Variants in SCN1A observed in about 807,000 individuals in gnomAD.
SCN1A encodes sodium voltage-gated channel alpha subunit 1, also known as sodium channel protein type 1 subunit alpha.
Under a neutral mutation model 193.7 loss-of-function variants are expected in SCN1A, and 13 were observed. The observed-to-expected ratio is 0.07, with a 90% CI of 0.04 to 0.11. The LOEUF is 0.11. SCN1A is among the 10% of genes least tolerant of loss of function. The pLI, the probability that SCN1A is intolerant of heterozygous loss-of-function variation, is 1.00. For synonymous variants in SCN1A, 781 were observed against 843.6 expected (o/e 0.93, Z 1.29); for missense variants, 1,432 against 2,451.1 (o/e 0.58, Z 8.78).
Position 166,043,300 on chromosome 2 carries a change from G to A in SCN1A, c.2043+369C>T, listed in dbSNP as rs558833438. Among the ~76,000 whole-genome samples the A allele has an allele frequency of 3.3e-5, 5 of 152,238 alleles. No homozygotes were observed. In the East Asian group the frequency reaches 7.7e-4, roughly 23 times the overall value. On this transcript the variant is annotated intron_variant, in intron 14 of 28. Transcript: ENST00000674923. The stretch of plus-strand genomic sequence containing the variant: ...AGCAGAGATCTTGAAGAATCCATTG[G>A]AAAGATTTATTACATACCCTTGACA...
chr2:166,004,476 A>G (rs1369213671), intron 23 of SCN1A, among the ~76,000 whole-genome samples: 1 of 151,330 alleles, frequency 6.6e-6, no homozygotes, highest in African/African-American at 2.4e-5. Context: ...CCATTCTCAC[A>G]GTCACCACCT....
intron 16 of SCN1A, 58 bp downstream of exon 16, chr2:166,041,173 A>G: frequency 2.4e-6 from 3 of 1,232,866 alleles, no homozygotes; most frequent in East Asian, 2.3e-5. Context: ...TTAAATGTAA[A>G]CAGTTTTTCA....
chr2:166,137,327 C>G (rs1483200507), intron 1 of SCN1A, among the ~76,000 whole-genome samples: 1 of 152,132 alleles, frequency 6.6e-6, no homozygotes, highest in East Asian at 1.9e-4. Context: ...ACCCTTAATA[C>G]AGTGCCTAGT....
chr2:166,111,627 G>C (rs1265487280), intron 2 of SCN1A, among the ~76,000 whole-genome samples: 1 of 152,006 alleles, frequency 6.6e-6, no homozygotes, highest in African/African-American at 2.4e-5. Flanking sequence ...CATTTTATAA[G>C]ACTATAGCTG....
intron 9 of SCN1A, among the ~76,000 whole-genome samples, chr2:166,049,794 A>G (rs1698321190): frequency 6.6e-6 from 1 of 151,974 alleles, no homozygotes; most frequent in African/African-American, 2.4e-5. Context: ...TTATTTATTT[A>G]CAAATATTCC....
chr2:166,035,755 C>T (rs980816774), intron 19 of SCN1A, among the ~76,000 whole-genome samples: 8 of 152,234 alleles, frequency 5.3e-5, no homozygotes, highest in Admixed American at 1.3e-4. Context: ...GTACACTGTA[C>T]GGTAAATATT....
At chr2:166,090,091 G>C (rs1177591097) in intron 2 of SCN1A, among the ~76,000 whole-genome samples, 1 of 133,276 alleles carries the variant, frequency 7.5e-6, no homozygotes, top group African/African-American at 2.8e-5. Context: ...ACAGGCTGGA[G>C]TGCAGTGATG....
rs755713188 is a variant in SCN1A at position 166,036,064 on chromosome 2, A to T, written c.3413T>A (p.Leu1138Gln). 3 of 1,613,846 alleles carry T rather than the reference A, an allele frequency of 1.9e-6. No homozygotes were observed. The highest frequency in any genetic ancestry group is 2.5e-6 in the Non-Finnish European group (3 of 1,179,898). Reference protein sequence around the residue: ...NTEDFSSESDLEESKEKLNES... With the variant: ...NTEDFSSESDQEESKEKLNES... ...GAATCTTACCTCTTTGCTTTCTTCC[A>T]GATCCGATTCACTACTAAAGTCTTC... The change falls in exon 19 of 29, where the codon CTG (leucine) becomes CAG (glutamine). Residue 1138 changes from leucine to glutamine, a missense_variant. Transcript: ENST00000674923.
intron 4 of SCN1A, 27 bp from the exon 5 acceptor site, chr2:166,058,715 G>A: frequency 8.1e-7 from 1 of 1,242,030 alleles, no homozygotes; most frequent in Non-Finnish European, 1.2e-6. Flanking sequence ...CAACATAGAA[G>A]TATGAAAGTA....
At chr2:166,103,119 G>T (rs1208210750) in intron 2 of SCN1A, among the ~76,000 whole-genome samples, 9 of 151,968 alleles carry the variant, frequency 5.9e-5, no homozygotes, top group Non-Finnish European at 1.3e-4. Context: ...CAGACAGTCT[G>T]TTAGGCCAGA....
chr2:166,082,545 A>T (rs1685646215), intron 2 of SCN1A, among the ~76,000 whole-genome samples: 1 of 152,042 alleles, frequency 6.6e-6, no homozygotes, highest in Non-Finnish European at 1.5e-5. Flanking sequence ...AGACTTCAAA[A>T]TTTTGAAAAA....
At chr2:166,007,462 A>G (rs988942724) in intron 23 of SCN1A, among the ~76,000 whole-genome samples, 1 of 151,364 alleles carries the variant, frequency 6.6e-6, no homozygotes, top group African/African-American at 2.4e-5. Flanking sequence ...GGAAATTAAA[A>G]ATACAAATTT....
intron 4 of SCN1A, chr2:166,059,399 A>G (rs1438460086): frequency 6.6e-6 from 1 of 152,160 alleles, no homozygotes; most frequent in African/African-American, 2.4e-5. Flanking sequence ...CTTTCTTATC[A>G]CAGAGGAGAA....
At chr2:166,093,541 C>T (rs1687053885) in intron 2 of SCN1A, among the ~76,000 whole-genome samples, 1 of 152,140 alleles carries the variant, frequency 6.6e-6, no homozygotes, top group African/African-American at 2.4e-5. Flanking sequence ...GATGGGGTTT[C>T]ACCGTGTTAG....
At chr2:166,006,648 A>G (rs1039782877) in intron 23 of SCN1A, among the ~76,000 whole-genome samples, 3 of 151,530 alleles carry the variant, frequency 2.0e-5, no homozygotes, top group Admixed American at 2.0e-4. Context: ...ATTTCTTAAT[A>G]TATTTTTGCC....
intron 4 of SCN1A, among the ~76,000 whole-genome samples, chr2:166,062,794 T>C (rs1199710409): frequency 6.6e-6 from 1 of 152,164 alleles, no homozygotes; most frequent in Non-Finnish European, 1.5e-5. Flanking sequence ...TTAAAAACTT[T>C]TTAAAAGAAT....
At chr2:166,059,285 T>A (rs1683029918) in intron 4 of SCN1A, 1 of 152,412 alleles carries the variant, frequency 6.6e-6, no homozygotes, top group African/African-American at 2.4e-5. Context: ...CCAAGATCCC[T>A]GGAGAGTACC....
rs1272342711 is a variant in SCN1A at position 165,992,656 on chromosome 2, A to G, written c.4853-234T>C. 18 of 202,680 alleles carry G rather than the reference A, an allele frequency of 8.9e-5. No individual in the cohort carries two copies. The Middle Eastern group carries it at 6.1e-3, about 69-fold the overall frequency. The allele number at this position is 202,680 out of a possible 1,614,324, so 12.6% of individuals were successfully genotyped here. ...TAGTACTTTTTTTTATCTTTAAGAG[A>G]TGTTTATAAACTACTTTTAGTTTAT... On this transcript the variant is annotated intron_variant, in intron 28 of 28. Transcript: ENST00000674923. This position sits in a 1 kb window ranked among gnomAD's most constrained non-coding sequence, Gnocchi z 6.5.
At chr2:166,074,887 T>C (rs1049147631) in intron 3 of SCN1A, among the ~76,000 whole-genome samples, 1 of 152,148 alleles carries the variant, frequency 6.6e-6, no homozygotes, top group Admixed American at 6.5e-5. Context: ...ATAACCATAT[T>C]TTTCAGAGTG....
Sources: allele counts gnomAD v4.1 joint callset (sites outside exome capture counted in the v4.1 genomes callset), GRCh38; gene constraint gnomAD v4.1.1; non-coding constraint Gnocchi (gnomAD v3.1); transcripts MANE v1.5; gene names NCBI Gene and HGNC (gene_info 2026-07-23, HGNC 2026-07-21).